RBMS3: variants seen among roughly 807,000 people sequenced by gnomAD.
The protein encoded by RBMS3 is RNA-binding motif, single-stranded-interacting protein 3.
RBMS3 carries 27 observed loss-of-function variants against 66.8 expected under a neutral mutation model. That is an observed-to-expected ratio of 0.40 (90% CI 0.30 to 0.56). The LOEUF is 0.56. Ranked by LOEUF, RBMS3 falls within the 20% of genes least tolerant of loss-of-function variation. The pLI, the probability that RBMS3 is intolerant of heterozygous loss-of-function variation, is 0.40. For missense variants in RBMS3, 513 were observed against 549.5 expected, an observed-to-expected ratio of 0.93 and a Z score of 0.66; for synonymous variants, 188 against 183.0, an observed-to-expected ratio of 1.03 and a Z score of -0.22.
intron 4 of RBMS3, among the ~76,000 whole-genome samples, chr3:29,597,794 G>T (rs1451511349): frequency 4.6e-5 from 7 of 151,690 alleles, no homozygotes; most frequent in African/African-American, 1.7e-4. Flanking sequence ...TTTCTATAAA[G>T]GAAATAAAGT....
In RBMS3 at chr3:29,611,659, G is replaced by A. The variant is rs549321738; in HGVS notation, c.399+24454G>A. On this transcript the variant is annotated intron_variant, in intron 4 of 14. Transcript: ENST00000383767. ...GATAAAGCCAGAGGGCAGGAGCTCC[G>A]TATTCATAGACAATTTTAAAAATTC... is the stretch of plus-strand genomic sequence containing the variant. Among the ~76,000 whole-genome samples the A allele has an allele frequency of 6.6e-5, 10 of 152,030 alleles. No individual in the cohort carries two copies. The East Asian group carries it at 9.7e-4, about 15-fold the overall frequency.
At chr3:29,870,976 C>G (rs1050030037) in intron 7 of RBMS3, among the ~76,000 whole-genome samples, 4 of 152,036 alleles carry the variant, frequency 2.6e-5, no homozygotes, top group Admixed American at 2.0e-4. Context: ...GAAGTAAATA[C>G]CCAAAGAATG....
At chr3:29,701,013 C>T (rs1346088996) in intron 4 of RBMS3, among the ~76,000 whole-genome samples, 2 of 152,126 alleles carry the variant, frequency 1.3e-5, no homozygotes, top group East Asian at 3.9e-4. Flanking sequence ...ATTCTGAGAA[C>T]AATGAAGAAC....
intron 6 of RBMS3, among the ~76,000 whole-genome samples, chr3:29,768,647 C>T (rs891236673): frequency 6.6e-6 from 1 of 151,868 alleles, no homozygotes; most frequent in Non-Finnish European, 1.5e-5. Context: ...GACAGACAAA[C>T]GTCTTCTACA....
intron 1 of RBMS3, among the ~76,000 whole-genome samples, chr3:29,376,916 AAAC>A (rs2038502935): frequency 6.6e-6 from 1 of 151,546 alleles, no homozygotes; most frequent in African/African-American, 2.4e-5. Flanking sequence ...ACAACAACAA[AAAC>A]AACAACAAAA....
chr3:29,937,564 A>G (rs1036801915), intron 11 of RBMS3, among the ~76,000 whole-genome samples: 5 of 152,000 alleles, frequency 3.3e-5, no homozygotes, highest in African/African-American at 4.8e-5. Context: ...TAGTTTTAGT[A>G]ACATAAACAA....
intron 4 of RBMS3, among the ~76,000 whole-genome samples, chr3:29,684,779 T>TACACACACACACAC (rs10570309): frequency 4.1e-5 from 6 of 145,768 alleles, no homozygotes; most frequent in African/African-American, 1.6e-4. Flanking sequence ...GTTTGTTATG[T>TACACACACACACAC]ACACACACAC....
intron 7 of RBMS3, among the ~76,000 whole-genome samples, chr3:29,874,954 A>G (rs1029668082): frequency 6.6e-6 from 1 of 152,148 alleles, no homozygotes; most frequent in Admixed American, 6.5e-5. Context: ...CTATGTTCTC[A>G]AGGAATAGGG....
chr3:29,716,719 G>A (rs138075269), intron 4 of RBMS3, among the ~76,000 whole-genome samples: 1 of 152,130 alleles, frequency 6.6e-6, no homozygotes, highest in African/African-American at 2.4e-5. Flanking sequence ...TATTATAATG[G>A]AAGCAGGCAA....
chr3:29,514,104 T>C (rs1295283234), intron 3 of RBMS3, among the ~76,000 whole-genome samples: 3 of 152,150 alleles, frequency 2.0e-5, no homozygotes, highest in African/African-American at 7.2e-5. Flanking sequence ...TAGCCTAGAA[T>C]AGGAAGCATA....
chr3:29,453,739 G>C (rs1364286559), intron 2 of RBMS3, among the ~76,000 whole-genome samples: 1 of 152,200 alleles, frequency 6.6e-6, no homozygotes, highest in Non-Finnish European at 1.5e-5. Context: ...GCCAGAGCAT[G>C]CTTGCACTAG....
chr3:29,808,542 C>T (rs1358527593), intron 6 of RBMS3, among the ~76,000 whole-genome samples: 4 of 151,892 alleles, frequency 2.6e-5, no homozygotes, highest in East Asian at 3.9e-4. Flanking sequence ...TCCTCCCTGG[C>T]GGGAAGAATT....
chr3:29,854,921 T>C (rs913253256), intron 6 of RBMS3, among the ~76,000 whole-genome samples: 1 of 152,192 alleles, frequency 6.6e-6, no homozygotes, highest in African/African-American at 2.4e-5. Context: ...TGCAATTGAC[T>C]GTACTATTTC....
intron 4 of RBMS3, among the ~76,000 whole-genome samples, chr3:29,641,445 A>G (rs2049707891): frequency 6.6e-6 from 1 of 152,058 alleles, no homozygotes; most frequent in Non-Finnish European, 1.5e-5. Flanking sequence ...CTAAAGTTAG[A>G]ATTGCTGAAT....
chr3:29,865,935 A>G (rs2059350153), intron 6 of RBMS3, among the ~76,000 whole-genome samples: 1 of 152,106 alleles, frequency 6.6e-6, no homozygotes, highest in Non-Finnish European at 1.5e-5. Flanking sequence ...GAGCCACTAA[A>G]CCATTCTGAA....
intron 6 of RBMS3, among the ~76,000 whole-genome samples, chr3:29,860,965 G>A (rs1355607554): frequency 6.6e-6 from 1 of 152,144 alleles, no homozygotes; most frequent in African/African-American, 2.4e-5. Context: ...CCCGGTTCAC[G>A]CCATTCTCCT....
chr3:29,387,079 G>T (rs1169092392), intron 1 of RBMS3, among the ~76,000 whole-genome samples: 1 of 152,076 alleles, frequency 6.6e-6, no homozygotes, highest in Non-Finnish European at 1.5e-5. Context: ...GGGGATTCTG[G>T]CGCTTAGTCC....
intron 4 of RBMS3, among the ~76,000 whole-genome samples, chr3:29,595,558 T>C (rs2047918173): frequency 2.6e-5 from 4 of 152,208 alleles, no homozygotes; most frequent in African/African-American, 7.2e-5. Context: ...ATAGTCTTCA[T>C]TCATGGCTTT....
intron 1 of RBMS3, among the ~76,000 whole-genome samples, chr3:29,379,924 A>T: frequency 6.6e-6 from 1 of 152,132 alleles, no homozygotes; most frequent in Admixed American, 6.6e-5. Context: ...AGGAAGACTT[A>T]ATTTAGTCAG....
Sources: gnomAD v4.1 joint callset for allele counts (sites outside exome capture counted in the v4.1 genomes callset) on GRCh38, gnomAD v4.1.1 for gene constraint, MANE v1.5 for transcripts, NCBI Gene and HGNC (gene_info 2026-07-23, HGNC 2026-07-21) for gene names.